PHAF1: variants seen among roughly 807,000 people sequenced by gnomAD.
PHAF1 encodes phagosome assembly factor 1.
Under a neutral mutation model 63.1 loss-of-function variants are expected in PHAF1, and 23 were observed. That is an observed-to-expected ratio of 0.36 (90% CI 0.26 to 0.52). The LOEUF (loss-of-function observed/expected upper bound fraction) is 0.52, where lower values mean the gene tolerates loss of function less well. Ranked by LOEUF, PHAF1 falls within the 20% of genes least tolerant of loss-of-function variation. The pLI, the probability that PHAF1 is intolerant of heterozygous loss-of-function variation, is 0.93. For missense variants in PHAF1, 427 were observed against 517.2 expected, an observed-to-expected ratio of 0.83 and a Z score of 1.69; for synonymous variants, 167 against 185.0, an observed-to-expected ratio of 0.90 and a Z score of 0.79.
Position 67,110,199 on chromosome 16 carries a change from C to G in PHAF1, c.24C>G (p.Pro8=), listed in dbSNP as rs754902780. 1 of 1,552,826 alleles carries G rather than the reference C, an allele frequency of 6.4e-7. No individual in the cohort carries two copies. MLDLEVV[P]ERSLGNEQWE... ...CAATGCTGGACCTGGAGGTAGTGCC[C>G]GAACGCTCTCTGGGGAACGAGCAAT... Residue 8 remains proline (P), a synonymous_variant, in exon 1 of 16, where the codon CCC becomes CCG. Coordinates refer to ENST00000219139, the MANE Select transcript of PHAF1 (RefSeq NM_025187.5).
intron 1 of PHAF1, among the ~76,000 whole-genome samples, chr16:67,113,317 A>G (rs935477178): frequency 3.3e-5 from 5 of 152,322 alleles, no homozygotes; most frequent in Admixed American, 3.3e-4. Context: ...GATTAGGGAA[A>G]TGCGAGCAAC....
Position 67,110,109 on chromosome 16 carries a change from G to T in PHAF1, c.-67G>T. On this transcript the variant is annotated 5_prime_UTR_variant, in exon 1 of 16. Coordinates refer to ENST00000219139, the MANE Select transcript of PHAF1 (RefSeq NM_025187.5). ...GGGGCGGCCTGTCAGCCGCTGCTTT[G>T]TCTCCTTAGCTCGGGTCCCTTCTGC... 2.0e-6 allele frequency: 3 copies of T among 1,515,160 alleles called. No homozygotes were observed. The highest frequency in any genetic ancestry group is 2.7e-6 in the Non-Finnish European group (3 of 1,121,300). 93.9% of individuals were successfully genotyped at this position (1,515,160 alleles called of 1,614,324 possible). A position where few individuals can be genotyped will look rare whatever the true frequency, so the allele number is the denominator to read the frequency against.
At position 67,134,269 on chromosome 16, in the gene PHAF1, A is replaced by G; in HGVS notation, c.548+4A>G. On this transcript the variant is annotated splice_donor_region_variant and intron_variant, in intron 7 of 15. Coordinates refer to ENST00000219139, the MANE Select transcript of PHAF1 (RefSeq NM_025187.5). The stretch of plus-strand genomic sequence containing the variant: ...GCAACAGCCTGCAGGATACCAAGTA[A>G]GTATAAGGAGCATGAGTTTCTTGCT... The G allele has an allele frequency of 1.2e-6, 2 of 1,611,758 alleles. No homozygotes were observed. Among genetic ancestry groups the G allele is most frequent in the Non-Finnish European group, 1.7e-6 (2 of 1,177,848 alleles).
chr16:67,144,706 C>CA, intron 11 of PHAF1, 128 bp from the exon 12 acceptor site: 1 of 1,079,364 alleles, frequency 9.3e-7, no homozygotes. Flanking sequence ...TGAACACTGT[C>CA]AGGCACTCAG....
At chr16:67,145,816 G>A (rs901746110) in intron 14 of PHAF1, among the ~76,000 whole-genome samples, 188 bp downstream of exon 14, 1 of 151,800 alleles carries the variant, frequency 6.6e-6, no homozygotes, top group African/African-American at 2.4e-5. Context: ...ATCTTTGATA[G>A]AGAGAATGTC....
chr16:67,120,281 G>T (rs944894847), intron 2 of PHAF1, 87 bp downstream of exon 2: 1 of 1,233,226 alleles, frequency 8.1e-7, no homozygotes, highest in Non-Finnish European at 1.2e-6. Flanking sequence ...AGGCTGACTG[G>T]CAAGGATAGC....
intron 1 of PHAF1, among the ~76,000 whole-genome samples, chr16:67,117,081 G>GGAGC (rs1567638070): frequency 6.6e-6 from 1 of 151,668 alleles, no homozygotes; most frequent in African/African-American, 2.4e-5. Context: ...CGCCAAAGTT[G>GGAGC]GAGCGCAGTG....
chr16:67,140,172 A>G, intron 9 of PHAF1, 55 bp downstream of exon 9: 1 of 1,569,350 alleles, frequency 6.4e-7, no homozygotes, highest in Non-Finnish European at 8.7e-7. Flanking sequence ...CTAATTTAAT[A>G]TTGAGTATAA....
In PHAF1 at chr16:67,147,320, A is replaced by G; in HGVS notation, c.*189A>G. The G allele has an allele frequency of 1.8e-6, 1 of 568,984 alleles. No individual in the cohort carries two copies. Among genetic ancestry groups the G allele is most frequent in the South Asian group, 2.4e-5 (1 of 41,008 alleles). The allele number at this position is 568,984 out of a possible 1,614,324, so 35.2% of individuals were successfully genotyped here. A position where few individuals can be genotyped will look rare whatever the true frequency, so the allele number is the denominator to read the frequency against. ...GAGTGGCCCAGATATTCTTCTGTCCATCTTTGGCCTGCTGGTGCCAGCAGG... is the reference window on the plus strand; with the variant it reads ...GAGTGGCCCAGATATTCTTCTGTCCGTCTTTGGCCTGCTGGTGCCAGCAGG... On this transcript the variant is annotated 3_prime_UTR_variant, in exon 16 of 16. Transcript: ENST00000219139.
At chr16:67,113,606 C>A (rs529395118) in intron 1 of PHAF1, among the ~76,000 whole-genome samples, 1 of 151,626 alleles carries the variant, frequency 6.6e-6, no homozygotes, top group South Asian at 2.1e-4. Flanking sequence ...CCCGCCACCA[C>A]GCCCAGCTAA....
chr16:67,110,581 G>C (rs1451258212), intron 1 of PHAF1, among the ~76,000 whole-genome samples: 1 of 152,194 alleles, frequency 6.6e-6, no homozygotes, highest in Non-Finnish European at 1.5e-5. Flanking sequence ...GATAGGTACT[G>C]TTGTTATTCC....
intron 1 of PHAF1, among the ~76,000 whole-genome samples, chr16:67,112,690 A>T (rs973254794): frequency 1.3e-5 from 2 of 152,176 alleles, no homozygotes; most frequent in Admixed American, 6.5e-5. Context: ...AAGGGTTTAC[A>T]CAGTTCTTAC....
intron 1 of PHAF1, among the ~76,000 whole-genome samples, chr16:67,119,273 T>C (rs1171936314): frequency 6.6e-6 from 1 of 152,142 alleles, no homozygotes; most frequent in African/African-American, 2.4e-5. Context: ...GTTCTTTGAT[T>C]CATACTTACT....
At chr16:67,141,355 G>A (rs997050993) in intron 10 of PHAF1, among the ~76,000 whole-genome samples, 1 of 152,200 alleles carries the variant, frequency 6.6e-6, no homozygotes, top group African/African-American at 2.4e-5. Flanking sequence ...AGGGAACAGT[G>A]CTGTTGCAGC....
At chr16:67,121,534 G>A (rs1962974785) in intron 2 of PHAF1, among the ~76,000 whole-genome samples, 1 of 151,386 alleles carries the variant, frequency 6.6e-6, no homozygotes, top group Non-Finnish European at 1.5e-5. Context: ...AACCACCATG[G>A]ATTATCAGTG....
intron 1 of PHAF1, among the ~76,000 whole-genome samples, chr16:67,117,095 C>CGAT (rs1271242933): frequency 1.3e-5 from 2 of 151,528 alleles, no homozygotes; most frequent in Non-Finnish European, 2.9e-5. Context: ...CGCAGTGGCA[C>CGAT]GATCTCAGCT....
intron 10 of PHAF1, among the ~76,000 whole-genome samples, chr16:67,142,768 T>A (rs1460487717): frequency 6.6e-6 from 1 of 152,134 alleles, no homozygotes; most frequent in South Asian, 2.1e-4. Flanking sequence ...GAGCATGGGC[T>A]CCTGCCCTGC....
chr16:67,130,444 G>T (rs1036115264), intron 3 of PHAF1, among the ~76,000 whole-genome samples: 5 of 151,050 alleles, frequency 3.3e-5, no homozygotes, highest in Non-Finnish European at 5.9e-5. Flanking sequence ...CAACTCCTGG[G>T]TTCAAGCGGT....
chr16:67,126,357 A>G (rs1301986500), intron 3 of PHAF1, among the ~76,000 whole-genome samples: 1 of 152,302 alleles, frequency 6.6e-6, no homozygotes, highest in African/African-American at 2.4e-5. Flanking sequence ...TAGGAAAACA[A>G]GATAGTTTTA....
Sources: gnomAD v4.1 joint callset for allele counts (sites outside exome capture counted in the v4.1 genomes callset) on GRCh38, gnomAD v4.1.1 for gene constraint, MANE v1.5 for transcripts, NCBI Gene and HGNC (gene_info 2026-07-23, HGNC 2026-07-21) for gene names.